Variants in KIF26A observed in about 807,000 individuals in gnomAD.
KIF26A encodes kinesin-like protein KIF26A.
Under a neutral mutation model 126.0 loss-of-function variants are expected in KIF26A, and 74 were observed. That is an observed-to-expected ratio of 0.59 (90% confidence interval 0.49 to 0.71). The LOEUF (loss-of-function observed/expected upper bound fraction) is 0.71, where lower values mean the gene tolerates loss of function less well. KIF26A is among the 30% of genes least tolerant of loss of function. The pLI, the probability that KIF26A is intolerant of heterozygous loss-of-function variation, is 0.00. For synonymous variants in KIF26A, 1,445 were observed against 1,232.7 expected, an observed-to-expected ratio of 1.17 and a Z score of -3.61; for missense variants, 2,984 against 2,763.3, an observed-to-expected ratio of 1.08 and a Z score of -1.79.
At chr14:104,178,129 C>G (rs1451327068) in intron 12 of KIF26A, among the ~76,000 whole-genome samples, 1 of 152,250 alleles carries the variant, frequency 6.6e-6, no homozygotes, top group Non-Finnish European at 1.5e-5. Context: ...CTTCTCTGGC[C>G]CCACCCTGCC....
intron 4 of KIF26A, 84 bp from the exon 5 acceptor site, chr14:104,166,774 TG>T: frequency 7.8e-7 from 1 of 1,274,288 alleles, no homozygotes; most frequent in Non-Finnish European, 1.1e-6. Context: ...AGTCCCAGGG[TG>T]GGATCGCCTG....
Position 104,139,157 on chromosome 14 carries a change from G to A in KIF26A, c.157G>A (p.Gly53Ser). The A allele has an allele frequency of 6.6e-7, 1 of 1,516,640 alleles. No homozygotes were observed. The highest frequency in any genetic ancestry group is 8.8e-7 in the Non-Finnish European group (1 of 1,132,926). 93.9% of individuals were successfully genotyped at this position (1,516,640 alleles called of 1,614,324 possible). A position where few individuals can be genotyped will look rare whatever the true frequency, so the allele number is the denominator to read the frequency against. The change falls in exon 2 of 15, where the codon GGC becomes AGC. Residue 53 changes from glycine (G) to serine (S), a missense_variant. Physicochemically the swap from Gly to Ser is moderately conservative, Grantham distance 56. Coordinates refer to ENST00000423312, the MANE Select transcript of KIF26A (RefSeq NM_015656.2). Reference sequence around the variant, plus strand: ...ATGCGGCAGCCGCCCTGCTCCCGAAGGCGCCGGGGCCGGCCCAGAGCAGGG... The same window carrying A: ...ATGCGGCAGCCGCCCTGCTCCCGAAAGCGCCGGGGCCGGCCCAGAGCAGGG... ...DPCGSRPAPE[G>S]AGAGPEQGHS...
At chr14:104,173,601 G>A in intron 9 of KIF26A, 88 bp downstream of exon 9, 4 of 1,515,442 alleles carry the variant, frequency 2.6e-6, no homozygotes, top group Admixed American at 2.0e-5. Context: ...AGTGGCTCCT[G>A]GGGATGTCCC....
rs200288460 is a variant in KIF26A, at chr14:104,176,069, G to A, written c.3281G>A (p.Gly1094Glu). The stretch of plus-strand genomic sequence containing the variant: ...TACACCTCTCAGGCCCCTGAGGGGG[G>A]GCCCCTGGAGGGGGCAGCCTGGGCC... ...DAYTSQAPEG[G>E]PLEGAAWAGS... is the part of the protein sequence containing the mutation. Residue 1094 changes from glycine (G) to glutamate (E), a missense_variant, in exon 12 of 15, where the codon GGG (glycine) becomes GAG (glutamate). By Grantham distance (98) the Gly-to-Glu change is moderately conservative. Coordinates refer to ENST00000423312, the MANE Select transcript of KIF26A (RefSeq NM_015656.2). The A allele has an allele frequency of 3.8e-6, 6 of 1,595,668 alleles. No homozygotes were observed. Among genetic ancestry groups the A allele is most frequent in the South Asian group, 1.1e-5 (1 of 89,052 alleles).
intron 2 of KIF26A, among the ~76,000 whole-genome samples, chr14:104,149,920 C>T (rs1259593409): frequency 6.6e-6 from 1 of 152,222 alleles, no homozygotes; most frequent in Non-Finnish European, 1.5e-5. Flanking sequence ...CCTTCCCCTT[C>T]ACACGGGGCC....
chr14:104,176,195 ACTCGCT>A lies in KIF26A; in HGVS notation c.3408_3413del (p.Asp1136_Leu1138delinsGlu), dbSNP rs1169260309. 1.2e-6 allele frequency: 2 copies of A among 1,600,136 alleles called. No individual in the cohort carries two copies. Among genetic ancestry groups the A allele is most frequent in the African/African-American group, 2.7e-5 (2 of 74,604 alleles). On this transcript the variant is annotated inframe_deletion, in exon 12 of 15. Transcript: ENST00000423312. ...ACGCCGCAGCCCCGCTTCAGCCCCG[ACTCGCT>A]GGCAGGGCTTGACCCTGGGGGCCCC...
chr14:104,172,842 AAGGCAG>A (rs2037973572), intron 7 of KIF26A, 129 bp from the exon 8 acceptor site: 1 of 1,285,202 alleles, frequency 7.8e-7, no homozygotes, highest in African/African-American at 1.5e-5. Flanking sequence ...GCCGAACTGA[AAGGCAG>A]AGGGCTTAGG....
At chr14:104,149,521 G>A (rs2037708179) in intron 2 of KIF26A, among the ~76,000 whole-genome samples, 1 of 152,110 alleles carries the variant, frequency 6.6e-6, no homozygotes, top group African/African-American at 2.4e-5. Flanking sequence ...CAACACCTGG[G>A]ACTTGGATGC....
In KIF26A at chr14:104,178,692, C is replaced by T. The variant is rs373002366; in HGVS notation, c.5253C>T (p.Tyr1751=). Reference sequence around the variant, plus strand: ...AGGAGCCGTTCGAGATCAAGGTGTACGAGATCGATGACGTGGAGCGCCTTC... The same window carrying T: ...AGGAGCCGTTCGAGATCAAGGTGTATGAGATCGATGACGTGGAGCGCCTTC... The part of the protein sequence containing the change: ...SLKEPFEIKV[Y]EIDDVERLQR... The change falls in exon 13 of 15, where the codon TAC becomes TAT. Residue 1751 remains tyrosine (Y), a synonymous_variant. Coordinates refer to ENST00000423312, the MANE Select transcript of KIF26A (RefSeq NM_015656.2). 1.2e-4 allele frequency: 191 copies of T among 1,563,638 alleles called. 1 individual carries two copies. Among genetic ancestry groups the T allele is most frequent in the South Asian group, 3.1e-4 (26 of 85,056 alleles).
chr14:104,140,675 G>C (rs777073588), intron 2 of KIF26A, among the ~76,000 whole-genome samples: 5 of 152,162 alleles, frequency 3.3e-5, no homozygotes, highest in Non-Finnish European at 7.4e-5. Flanking sequence ...GTCCCTGGTG[G>C]ATTCTAGGTT....
Position 104,175,381 on chromosome 14 carries a change from G to A in KIF26A, c.2593G>A (p.Asp865Asn), listed in dbSNP as rs746265833. The A allele has an allele frequency of 1.9e-6, 3 of 1,598,522 alleles. No individual in the cohort carries two copies. The highest frequency in any genetic ancestry group is 2.2e-5 in the East Asian group (1 of 44,596). Residue 865 changes from aspartate to asparagine, a missense_variant, in exon 12 of 15, where the codon GAC (aspartate) becomes AAC (asparagine). Physicochemically the swap from Asp to Asn is conservative, Grantham distance 23. Transcript: ENST00000423312. ...EGPSGGPGGTDGAQASPARGG... is the reference protein window; with the variant it reads ...EGPSGGPGGTNGAQASPARGG... ...TCCCTCAGGAGGTCCAGGTGGCACC[G>A]ACGGAGCTCAGGCCAGCCCCGCCCG...
rs753821870 is a variant in KIF26A, at chr14:104,175,908, G to A, written c.3120G>A (p.Leu1040=). 1.3e-6 allele frequency: 2 copies of A among 1,545,302 alleles called. No individual in the cohort carries two copies. The highest frequency in any genetic ancestry group is 2.7e-5 in the African/African-American group (2 of 73,494). ...DELVFTVVEE[L]SLGALAGAGR... Reference sequence around the variant, plus strand: ...TGGTGTTCACGGTGGTGGAGGAGCTGTCCCTGGGGGCGCTTGCCGGAGCTG... The same window carrying A: ...TGGTGTTCACGGTGGTGGAGGAGCTATCCCTGGGGGCGCTTGCCGGAGCTG... Residue 1040 remains leucine, a synonymous_variant, in exon 12 of 15, where the codon CTG becomes CTA. Coordinates refer to ENST00000423312, the MANE Select transcript of KIF26A (RefSeq NM_015656.2).
chr14:104,179,765 C>A lies in KIF26A; in HGVS notation c.5624C>A (p.Pro1875Gln). ...AGCGTTGCAGCCAGTGCTGCCATCCCGGGGCCGCAGGAGGTGGACGTCTGA... is the reference window on the plus strand; with the variant it reads ...AGCGTTGCAGCCAGTGCTGCCATCCAGGGGCCGCAGGAGGTGGACGTCTGA... ...DISVAASAAI[P>Q]GPQEVDV is the part of the protein sequence containing the mutation. The change falls in exon 15 of 15, where the codon CCG (proline) becomes CAG (glutamine). Residue 1875 changes from proline to glutamine, a missense_variant. Coordinates refer to ENST00000423312, the MANE Select transcript of KIF26A (RefSeq NM_015656.2). The A allele has an allele frequency of 6.5e-7, 1 of 1,547,006 alleles. No individual in the cohort carries two copies. Among genetic ancestry groups the A allele is most frequent in the Admixed American group, 2.0e-5 (1 of 50,554 alleles).
At chr14:104,146,130 C>G (rs1036440912) in intron 2 of KIF26A, among the ~76,000 whole-genome samples, 32 of 152,178 alleles carry the variant, frequency 2.1e-4, no homozygotes, top group African/African-American at 7.0e-4. Context: ...CTCAGTCTCT[C>G]TGAGCCTCAG....
chr14:104,154,343 G>A (rs1047859410), intron 3 of KIF26A, among the ~76,000 whole-genome samples: 2 of 152,192 alleles, frequency 1.3e-5, no homozygotes, highest in African/African-American at 4.8e-5. Context: ...GGCTTGGCAG[G>A]GGATGCTGAA....
Position 104,180,508 on chromosome 14 carries a change from G to A in KIF26A, c.*718G>A, listed in dbSNP as rs1323860183. Reference sequence around the variant, plus strand: ...CCACCACGACCAACAACAAAGATGGGGGGTAGGGTTTTGTAAAGGTTCTGT... The same window carrying A: ...CCACCACGACCAACAACAAAGATGGAGGGTAGGGTTTTGTAAAGGTTCTGT... On this transcript the variant is annotated 3_prime_UTR_variant, in exon 15 of 15. Transcript: ENST00000423312. The A allele has an allele frequency of 1.3e-5, 2 of 152,258 alleles. No homozygotes were observed. The highest frequency in any genetic ancestry group is 4.8e-5 in the African/African-American group (2 of 41,420). The allele number at this position is 152,258 out of a possible 1,614,324, so 9.4% of individuals were successfully genotyped here.
chr14:104,143,270 G>T (rs2037652748), intron 2 of KIF26A, among the ~76,000 whole-genome samples: 1 of 152,210 alleles, frequency 6.6e-6, no homozygotes, highest in South Asian at 2.1e-4. Context: ...GCCCATCGAG[G>T]CTGTGGCTCT....
intron 4 of KIF26A, among the ~76,000 whole-genome samples, chr14:104,161,710 T>G (rs2141103828): frequency 6.6e-6 from 1 of 152,272 alleles, no homozygotes; most frequent in Non-Finnish European, 1.5e-5. Flanking sequence ...CATAGCTGTG[T>G]AAACTGGTGT....
rs771617143 is a variant in KIF26A at position 104,175,976 on chromosome 14, T to C, written c.3188T>C (p.Leu1063Pro). 6.3e-7 allele frequency: 1 copy of C among 1,576,150 alleles called. No homozygotes were observed. The highest frequency in any genetic ancestry group is 8.6e-7 in the Non-Finnish European group (1 of 1,167,630). ...SLASFDSDCSLRALASGSRPV... is the reference protein window; with the variant it reads ...SLASFDSDCSPRALASGSRPV... ...GCTAGCTTCGACAGTGACTGCTCCC[T>C]GCGGGCCCTGGCCTCGGGGTCCCGG... Residue 1063 changes from leucine to proline, a missense_variant, in exon 12 of 15, where the codon CTG becomes CCG. Coordinates refer to ENST00000423312, the MANE Select transcript of KIF26A (RefSeq NM_015656.2).
Sources: gnomAD v4.1 joint callset for allele counts (sites outside exome capture counted in the v4.1 genomes callset) on GRCh38, gnomAD v4.1.1 for gene constraint, MANE v1.5 for transcripts, NCBI Gene and HGNC (gene_info 2026-07-23, HGNC 2026-07-21) for gene names.